The following FAT4 variants were observed in gnomAD, a reference collection of about 807,000 sequenced individuals.
The protein encoded by FAT4 is protocadherin Fat 4.
FAT4 carries 84 observed loss-of-function variants against 303.9 expected under a neutral mutation model. The ratio of observed to expected loss-of-function variants is 0.28; its 90% CI spans 0.23 to 0.33. The LOEUF is 0.33. FAT4 is among the 10% of genes least tolerant of loss of function. The probability of loss-of-function intolerance (pLI) is 1.00; values close to 1 mark genes in which losing one functional copy is unlikely to be tolerated. For synonymous variants in FAT4, 2,307 were observed against 2,298.8 expected (o/e 1.00, Z -0.10); for missense variants, 6,005 against 6,146.8 (o/e 0.98, Z 0.77).
At chr4:125,480,206 G>A (rs988948421) in intron 15 of FAT4, among the ~76,000 whole-genome samples, 2 of 151,688 alleles carry the variant, frequency 1.3e-5, no homozygotes, top group Non-Finnish European at 2.9e-5. Flanking sequence ...ATCTGCCTTT[G>A]GGGGATATTT....
At chr4:125,339,202 C>G (rs558646090) in intron 2 of FAT4, among the ~76,000 whole-genome samples, 1 of 152,060 alleles carries the variant, frequency 6.6e-6, no homozygotes, top group Non-Finnish European at 1.5e-5. Context: ...CTTGCCCTGT[C>G]GCCCAGGCTG....
intron 8 of FAT4, among the ~76,000 whole-genome samples, chr4:125,436,550 C>T (rs1452945075): frequency 6.6e-6 from 1 of 152,092 alleles, no homozygotes; most frequent in East Asian, 1.9e-4. Context: ...AGTCTGTTCT[C>T]ATGCTGCTAA....
At chr4:125,359,186 G>C (rs957233521) in intron 2 of FAT4, among the ~76,000 whole-genome samples, 1 of 152,074 alleles carries the variant, frequency 6.6e-6, no homozygotes, top group Non-Finnish European at 1.5e-5. Context: ...CTATGATATA[G>C]ATACTACTAG....
At chr4:125,487,855 G>A (rs1727466639) in intron 17 of FAT4, among the ~76,000 whole-genome samples, 1 of 152,134 alleles carries the variant, frequency 6.6e-6, no homozygotes, top group Non-Finnish European at 1.5e-5. Flanking sequence ...TCGAGAGCTT[G>A]CATCTTTCTT....
chr4:125,458,467 G>T (rs1360561621), intron 10 of FAT4, among the ~76,000 whole-genome samples: 1 of 151,770 alleles, frequency 6.6e-6, no homozygotes, highest in Admixed American at 6.6e-5. Context: ...TAATATAAAA[G>T]AAATTTAGTA....
chr4:125,483,627 T>A (rs1727302961), intron 16 of FAT4, among the ~76,000 whole-genome samples: 1 of 152,104 alleles, frequency 6.6e-6, no homozygotes, highest in South Asian at 2.1e-4. Flanking sequence ...AATAACTTAA[T>A]TTTTTTCCTG....
rs1427295586 is a variant in FAT4 at position 125,492,880 on chromosome 4, A to G, written c.*1112A>G. ...CATTTTGATATTTGTAACATACTGT[A>G]TGCTTTCTACTTGTAAATGTCAACA... On this transcript the variant is annotated 3_prime_UTR_variant, in exon 18 of 18. Transcript: ENST00000394329. The G allele has an allele frequency of 6.6e-6, 1 of 152,488 alleles. No individual in the cohort carries two copies. The highest frequency in any genetic ancestry group is 6.5e-5 in the Admixed American group (1 of 15,276). The allele number at this position is 152,488 out of a possible 1,614,324, so 9.4% of individuals were successfully genotyped here.
At chr4:125,431,194 A>T (rs1347167556) in intron 7 of FAT4, among the ~76,000 whole-genome samples, 1 of 152,204 alleles carries the variant, frequency 6.6e-6, no homozygotes, top group Non-Finnish European at 1.5e-5. Flanking sequence ...TAATGTAAAG[A>T]CTTTGACTGG....
At chr4:125,429,845 C>T (rs1458439427) in intron 7 of FAT4, among the ~76,000 whole-genome samples, 2 of 152,150 alleles carry the variant, frequency 1.3e-5, no homozygotes, top group African/African-American at 2.4e-5. Context: ...TTGGATCTGA[C>T]AGCCCAGAGG....
At chr4:125,443,404 A>G (rs2126052178) in intron 8 of FAT4, among the ~76,000 whole-genome samples, 1 of 152,266 alleles carries the variant, frequency 6.6e-6, no homozygotes, top group East Asian at 1.9e-4. Flanking sequence ...CGTCTTCACT[A>G]CATTCCCTCA....
intron 2 of FAT4, among the ~76,000 whole-genome samples, chr4:125,372,610 G>T (rs1285781669): frequency 6.6e-6 from 1 of 151,820 alleles, no homozygotes; most frequent in African/African-American, 2.4e-5. Flanking sequence ...AAAAAGGGAG[G>T]GTCTTCTCAG....
chr4:125,419,955 G>A (rs1333533260), intron 7 of FAT4, among the ~76,000 whole-genome samples: 1 of 152,188 alleles, frequency 6.6e-6, no homozygotes, highest in Non-Finnish European at 1.5e-5. Context: ...TTTCTGCCAT[G>A]TTGGCCTTTT....
intron 9 of FAT4, among the ~76,000 whole-genome samples, chr4:125,447,467 T>C (rs1725865136): frequency 1.3e-5 from 2 of 152,244 alleles, no homozygotes; most frequent in African/African-American, 4.8e-5. Context: ...AAATGATAAA[T>C]ACCTGCTAAA....
chr4:125,483,482 T>C (rs1727298197), intron 16 of FAT4, among the ~76,000 whole-genome samples: 1 of 152,152 alleles, frequency 6.6e-6, no homozygotes, highest in Admixed American at 6.6e-5. Context: ...TACAATGTGG[T>C]TGAAAAAAAT....
rs1268531315 is a variant in FAT4 at position 125,424,271 on chromosome 4, AT to A, written c.7018+7650del. Among the ~76,000 whole-genome samples, 5 of 152,238 alleles carry A rather than the reference AT, an allele frequency of 3.3e-5. No individual in the cohort carries two copies. The East Asian group carries it at 9.7e-4, about 30-fold the overall frequency. On this transcript the variant is annotated intron_variant, in intron 7 of 17. Transcript: ENST00000394329. ...GGACCTAGTGGGTGGTAATTAAATC[AT>A]GGGGGCAGTTACCTCCATGCTGTTC...
At chr4:125,382,114 G>C (rs2125999654) in intron 2 of FAT4, among the ~76,000 whole-genome samples, 1 of 152,202 alleles carries the variant, frequency 6.6e-6, no homozygotes, top group Admixed American at 6.5e-5. Flanking sequence ...TCATCCTTAA[G>C]GGTTGGAAAC....
At chr4:125,339,108 T>G (rs1405523010) in intron 2 of FAT4, among the ~76,000 whole-genome samples, 1 of 152,174 alleles carries the variant, frequency 6.6e-6, no homozygotes, top group Non-Finnish European at 1.5e-5. Context: ...TTTGATGACA[T>G]ATTTTTACAT....
intron 7 of FAT4, 83 bp from the exon 8 acceptor site, chr4:125,434,162 G>A (rs1725368519): frequency 1.6e-6 from 2 of 1,281,868 alleles, no homozygotes; most frequent in African/African-American, 3.0e-5. Context: ...ATTCTCTTTA[G>A]TAATTCTGTC....
chr4:125,447,416 A>ATT (rs1302225445), intron 9 of FAT4, among the ~76,000 whole-genome samples: 3 of 152,120 alleles, frequency 2.0e-5, no homozygotes, highest in Non-Finnish European at 4.4e-5. Context: ...GGATTCATAA[A>ATT]TTTATGTGCC....
Sources: gnomAD v4.1 joint callset for allele counts (sites outside exome capture counted in the v4.1 genomes callset) on GRCh38, gnomAD v4.1.1 for gene constraint, MANE v1.5 for transcripts, NCBI Gene and HGNC (gene_info 2026-07-23, HGNC 2026-07-21) for gene names.